Variants in SEPTIN7 observed in about 807,000 individuals in gnomAD.
SEPTIN7 encodes the protein septin 7.
SEPTIN7 carries 10 observed loss-of-function variants against 63.3 expected under a neutral mutation model. The observed-to-expected ratio is 0.16, with a 90% CI of 0.10 to 0.27. The LOEUF (loss-of-function observed/expected upper bound fraction) is 0.27. Among genes scored for constraint, SEPTIN7 ranks in the 10% least tolerant of loss-of-function variants. SEPTIN7 has a pLI of 1.00. For missense variants in SEPTIN7, 310 were observed against 521.0 expected, an observed-to-expected ratio of 0.59 and a Z score of 3.94; for synonymous variants, 131 against 165.3, an observed-to-expected ratio of 0.79 and a Z score of 1.59.
At chr7:35,852,605 C>T (rs1409523446) in intron 3 of SEPTIN7, among the ~76,000 whole-genome samples, 1 of 152,142 alleles carries the variant, frequency 6.6e-6, no homozygotes, top group African/African-American at 2.4e-5. Context: ...AAGGACTGCT[C>T]ACTCATTACA....
chr7:35,908,852 G>C (rs569074803), downstream of SEPTIN7, among the ~76,000 whole-genome samples: 2 of 152,296 alleles, frequency 1.3e-5, no homozygotes, highest in African/African-American at 4.8e-5. Context: ...AAACTAACTT[G>C]TTCTGGCAAA....
intron 1 of SEPTIN7, among the ~76,000 whole-genome samples, chr7:35,830,182 C>CA (rs113659143): frequency 0.014 from 1,754 of 124,704 alleles, 30 homozygotes; most frequent in East Asian, 0.016. Flanking sequence ...AATTCTGTCT[C>CA]AAAAAAAAAA....
chr7:35,878,402 C>T (rs1216313387), intron 6 of SEPTIN7, among the ~76,000 whole-genome samples: 4 of 151,932 alleles, frequency 2.6e-5, no homozygotes, highest in Non-Finnish European at 4.4e-5. Flanking sequence ...AAGTAGGAGG[C>T]GAAAGAAAGG....
chr7:35,804,839 T>TTG (rs1554331237), intron 1 of SEPTIN7, among the ~76,000 whole-genome samples: 10 of 147,806 alleles, frequency 6.8e-5, no homozygotes, highest in Admixed American at 1.3e-4. Context: ...TTTTTTGTTT[T>TTG]TTTTTTTTTT....
chr7:35,823,010 T>G (rs1259225459), intron 1 of SEPTIN7, among the ~76,000 whole-genome samples: 1 of 151,992 alleles, frequency 6.6e-6, no homozygotes, highest in African/African-American at 2.4e-5. Flanking sequence ...TGAGCCATCC[T>G]TTTTTTTCTC....
At chr7:35,803,703 T>C (rs1434968170) in intron 1 of SEPTIN7, among the ~76,000 whole-genome samples, 1 of 152,228 alleles carries the variant, frequency 6.6e-6, no homozygotes, top group Non-Finnish European at 1.5e-5. Context: ...TTTTACTAAG[T>C]TTTGAGACAA....
At chr7:35,908,591 C>A (rs1788678619), downstream of SEPTIN7, among the ~76,000 whole-genome samples, 1 of 152,222 alleles carries the variant, frequency 6.6e-6, no homozygotes, top group Non-Finnish European at 1.5e-5. Context: ...CAGTAGCTGA[C>A]ACCTCTGAGA....
chr7:35,840,087 T>C (rs1446011901), intron 3 of SEPTIN7, among the ~76,000 whole-genome samples: 2 of 151,904 alleles, frequency 1.3e-5, no homozygotes, highest in African/African-American at 4.8e-5. Context: ...GTTCCTTTCT[T>C]TTCTTTCCCT....
chr7:35,835,610 A>G (rs1251338486), intron 3 of SEPTIN7, among the ~76,000 whole-genome samples: 6 of 152,090 alleles, frequency 3.9e-5, no homozygotes, highest in Non-Finnish European at 7.4e-5. Context: ...TGCAGTGTTT[A>G]TAAGAGTACA....
At chr7:35,855,910 G>C (rs985672404) in intron 3 of SEPTIN7, among the ~76,000 whole-genome samples, 10 of 152,074 alleles carry the variant, frequency 6.6e-5, no homozygotes, top group Non-Finnish European at 1.5e-4. Flanking sequence ...ATATCCAAAA[G>C]ACCTATTAGT....
intron 3 of SEPTIN7, among the ~76,000 whole-genome samples, chr7:35,839,164 C>A (rs1784279586): frequency 6.6e-6 from 1 of 152,036 alleles, no homozygotes; most frequent in Non-Finnish European, 1.5e-5. Flanking sequence ...GAGGACCTGC[C>A]TTTTTGAAAA....
In SEPTIN7 at chr7:35,879,490, TAA is replaced by T. The variant is rs11345858; in HGVS notation, c.513-321_513-320del. The T allele has an allele frequency of 6.3e-3, 989 of 156,090 alleles. 2 individuals are homozygous for T. The highest frequency in any genetic ancestry group is 0.013 in the African/African-American group (547 of 40,844). 9.7% of individuals were successfully genotyped at this position (156,090 alleles called of 1,614,324 possible). A position where few individuals can be genotyped will look rare whatever the true frequency, so the allele number is the denominator to read the frequency against. On this transcript the variant is annotated intron_variant, in intron 6 of 13. Coordinates refer to ENST00000350320, the MANE Select transcript of SEPTIN7 (RefSeq NM_001788.6). ...TGAGACCCTGTCTTAAAAAATTAAA[TAA>T]AAAAAAAAAAATTAAAAACCTTGTA...
rs1233317093 is a variant in SEPTIN7 at position 35,853,424 on chromosome 7, G to A, written c.170-10128G>A. Among the ~76,000 whole-genome samples the A allele has an allele frequency of 2.0e-5, 3 of 152,104 alleles. No individual in the cohort carries two copies. In the East Asian group the frequency reaches 5.8e-4, roughly 29 times the overall value. On this transcript the variant is annotated intron_variant, in intron 3 of 13. Coordinates refer to ENST00000350320, the MANE Select transcript of SEPTIN7 (RefSeq NM_001788.6). The stretch of plus-strand genomic sequence containing the variant: ...TGCACGACAGAGTGAGACTCTCCTC[G>A]GGGCTGGGCGGGGGAAGTGGGTCAG...
chr7:35,845,340 G>A (rs1037420792), intron 3 of SEPTIN7, among the ~76,000 whole-genome samples: 8 of 151,716 alleles, frequency 5.3e-5, no homozygotes, highest in African/African-American at 1.7e-4. Context: ...GATCCAAAAC[G>A]AGGAATGAAG....
At chr7:35,801,352 G>A (rs1215304865) in intron 1 of SEPTIN7, 82 bp downstream of exon 1, 3 of 1,485,586 alleles carry the variant, frequency 2.0e-6, no homozygotes. Flanking sequence ...GACCGAGCTA[G>A]GGAACGCCCT....
intron 3 of SEPTIN7, among the ~76,000 whole-genome samples, chr7:35,841,451 C>T (rs1310598330): frequency 6.6e-6 from 1 of 152,078 alleles, no homozygotes; most frequent in South Asian, 2.1e-4. Context: ...ACAAGAAACT[C>T]CAGTGTCGAA....
chr7:35,847,083 C>G (rs1379956840), intron 3 of SEPTIN7: 21 of 182,296 alleles, frequency 1.2e-4, no homozygotes, highest in African/African-American at 4.5e-4. Context: ...AGAGCAGTGT[C>G]TCTGCACACT....
chr7:35,888,823 CAAAA>C (rs70974780), intron 10 of SEPTIN7: 942 of 186,816 alleles, frequency 5.0e-3, no homozygotes, highest in South Asian at 9.0e-3. Flanking sequence ...GACCCTGTAT[CAAAA>C]AAAAAAAAAA....
chr7:35,873,782 A>G lies in SEPTIN7; in HGVS notation c.512+7A>G, dbSNP rs368192638. 88 of 1,607,280 alleles carry G rather than the reference A, an allele frequency of 5.5e-5. No individual in the cohort carries two copies. Among genetic ancestry groups the G allele is most frequent in the Middle Eastern group, 2.3e-4 (1 of 4,438 alleles). ...TTGCTCCTTCAGGACATGGGTCAGT[A>G]CCTTGATACTTCTGATTCCTTTTTT... On this transcript the variant is annotated splice_region_variant and intron_variant, in intron 6 of 13. Coordinates refer to ENST00000350320, the MANE Select transcript of SEPTIN7 (RefSeq NM_001788.6).
Sources: allele counts gnomAD v4.1 joint callset (sites outside exome capture counted in the v4.1 genomes callset), GRCh38; gene constraint gnomAD v4.1.1; transcripts MANE v1.5; gene names NCBI Gene and HGNC (gene_info 2026-07-23, HGNC 2026-07-21).